GALNT5: variants seen among roughly 807,000 people sequenced by gnomAD.
GALNT5 encodes polypeptide N-acetylgalactosaminyltransferase 5.
A neutral mutation model predicts 85.4 loss-of-function variants in GALNT5; 72 were observed. The observed-to-expected ratio is 0.84, with a 90% CI of 0.70 to 1.03. The LOEUF (loss-of-function observed/expected upper bound fraction) is 1.03. Ranked by LOEUF, GALNT5 falls within the 50% of genes least tolerant of loss-of-function variation. The pLI, the probability that GALNT5 is intolerant of heterozygous loss-of-function variation, is 0.00. For missense variants in GALNT5, 1,137 were observed against 1,135.5 expected (o/e 1.00, Z -0.02); for synonymous variants, 404 against 397.0 (o/e 1.02, Z -0.21).
chr2:157,277,807 T>C (rs1289972083), intron 1 of GALNT5, among the ~76,000 whole-genome samples: 3 of 152,232 alleles, frequency 2.0e-5, no homozygotes, highest in Non-Finnish European at 4.4e-5. Context: ...AATTAGGGCA[T>C]TTAGCCCATT....
intron 1 of GALNT5, among the ~76,000 whole-genome samples, 191 bp from the exon 2 acceptor site, chr2:157,284,090 TC>T (rs1306187723): frequency 6.6e-6 from 1 of 151,836 alleles, no homozygotes; most frequent in Non-Finnish European, 1.5e-5. Context: ...CATGTACCCC[TC>T]CCCAAAAAAA....
intron 8 of GALNT5, among the ~76,000 whole-genome samples, chr2:157,307,852 A>C (rs1683487184): frequency 6.6e-6 from 1 of 152,192 alleles, no homozygotes; most frequent in African/African-American, 2.4e-5. Context: ...CCGGGTAGAC[A>C]ATAGTAGGTT....
At chr2:157,289,685 T>A (rs774977343) in intron 3 of GALNT5, among the ~76,000 whole-genome samples, 20 of 152,170 alleles carry the variant, frequency 1.3e-4, no homozygotes, top group Non-Finnish European at 2.8e-4. Context: ...AATTTCCAAT[T>A]TTTTATTGAC....
chr2:157,299,369 A>G (rs1258998181), intron 5 of GALNT5, among the ~76,000 whole-genome samples, 179 bp from the exon 6 acceptor site: 2 of 152,200 alleles, frequency 1.3e-5, no homozygotes, highest in Non-Finnish European at 2.9e-5. Flanking sequence ...TAGCTCTGCC[A>G]CCATGATCCA....
At chr2:157,287,539 G>C (rs1168374118) in intron 3 of GALNT5, among the ~76,000 whole-genome samples, 1 of 152,066 alleles carries the variant, frequency 6.6e-6, no homozygotes, top group African/African-American at 2.4e-5. Flanking sequence ...TTGACCACTA[G>C]GAGCTTCTTC....
chr2:157,284,154 T>C (rs1044071326), intron 1 of GALNT5, 128 bp from the exon 2 acceptor site: 2 of 694,998 alleles, frequency 2.9e-6, no homozygotes, highest in Admixed American at 2.2e-5. Flanking sequence ...AGATGATAGA[T>C]AGACCAGACA....
At chr2:157,292,704 G>T (rs922699875) in intron 3 of GALNT5, among the ~76,000 whole-genome samples, 14 of 151,564 alleles carry the variant, frequency 9.2e-5, no homozygotes, top group African/African-American at 2.9e-4. Context: ...AGTAGAAATC[G>T]TATTATTATT....
At position 157,258,619 on chromosome 2, in the gene GALNT5, T is replaced by C; in HGVS notation, c.537T>C (p.Thr179=). The C allele has an allele frequency of 6.2e-7, 1 of 1,613,448 alleles. No homozygotes were observed. Among genetic ancestry groups the C allele is most frequent in the South Asian group, 1.1e-5 (1 of 91,010 alleles). ...PKTSFIAAKG[T]QVVKISVHMG... ...CCTCATTCATAGCAGCAAAAGGAAC[T>C]CAGGTAGTCAAAATATCAGTACACA... Residue 179 remains threonine (T), a synonymous_variant, in exon 1 of 10, where the codon ACT becomes ACC. Coordinates refer to ENST00000259056, the MANE Select transcript of GALNT5 (RefSeq NM_014568.3).
In GALNT5 at chr2:157,317,933, T is replaced by C. The variant is rs1683753341; in HGVS notation, c.*6585T>C. On this transcript the variant is annotated 3_prime_UTR_variant, in exon 10 of 10. Coordinates refer to ENST00000259056, the MANE Select transcript of GALNT5 (RefSeq NM_014568.3). The stretch of plus-strand genomic sequence containing the variant: ...AACAATACTGAGTTTTGAAGTTAAG[T>C]AGAATATTGTAGGGGTTATCAGAAA... Among the ~76,000 whole-genome samples, 1 of 152,166 alleles carries C rather than the reference T, an allele frequency of 6.6e-6. No homozygotes were observed. Among genetic ancestry groups the C allele is most frequent in the Non-Finnish European group, 1.5e-5 (1 of 68,002 alleles).
chr2:157,302,606 C>T (rs1683366420), intron 7 of GALNT5: 1 of 150,930 alleles, frequency 6.6e-6, no homozygotes, highest in African/African-American at 2.4e-5. Context: ...AAAGGAATTT[C>T]CACTATTCTA....
chr2:157,270,715 T>C (rs1317955015), intron 1 of GALNT5, among the ~76,000 whole-genome samples: 2 of 152,232 alleles, frequency 1.3e-5, no homozygotes, highest in Non-Finnish European at 2.9e-5. Flanking sequence ...AAGGCAGATT[T>C]GTCCTACCCT....
At chr2:157,283,325 T>C (rs1306226651) in intron 1 of GALNT5, among the ~76,000 whole-genome samples, 1 of 152,166 alleles carries the variant, frequency 6.6e-6, no homozygotes, top group African/African-American at 2.4e-5. Flanking sequence ...GGCAAATACA[T>C]TTTGTGAGGT....
Position 157,258,054 on chromosome 2 carries a change from G to A in GALNT5, c.-29G>A. ...CACTCAAGGTAAGCAGGCTAAGGGA[G>A]GGCAGGCTGCTAGGGAAAGCTTTGT... is the stretch of plus-strand genomic sequence containing the variant. On this transcript the variant is annotated 5_prime_UTR_variant, in exon 1 of 10. Coordinates refer to ENST00000259056, the MANE Select transcript of GALNT5 (RefSeq NM_014568.3). 1 of 1,608,768 alleles carries A rather than the reference G, an allele frequency of 6.2e-7. No homozygotes were observed. The highest frequency in any genetic ancestry group is 1.1e-5 in the South Asian group (1 of 90,956).
chr2:157,316,371 C>T lies in GALNT5; in HGVS notation c.*5023C>T, dbSNP rs927290891. Reference sequence around the variant, plus strand: ...AGAACTATTTTACCCTTTCTAATGGCCTAAAATAAATTTTTAATGACTCCT... The same window carrying T: ...AGAACTATTTTACCCTTTCTAATGGTCTAAAATAAATTTTTAATGACTCCT... On this transcript the variant is annotated 3_prime_UTR_variant, in exon 10 of 10. Coordinates refer to ENST00000259056, the MANE Select transcript of GALNT5 (RefSeq NM_014568.3). Among the ~76,000 whole-genome samples the T allele has an allele frequency of 6.6e-6, 1 of 150,978 alleles. No individual in the cohort carries two copies. The highest frequency in any genetic ancestry group is 2.4e-5 in the African/African-American group (1 of 41,004).
chr2:157,300,111 C>T (rs1445910263), intron 6 of GALNT5, among the ~76,000 whole-genome samples: 1 of 152,194 alleles, frequency 6.6e-6, no homozygotes, highest in East Asian at 1.9e-4. Context: ...TAGTACAGCT[C>T]CTTTGGGCAC....
In GALNT5 at chr2:157,305,817, TGGGAGCAAAGA is replaced by T. The variant is rs1288101078; in HGVS notation, c.2511_2520+1del. The T allele has an allele frequency of 6.3e-7, 1 of 1,597,538 alleles. No homozygotes were observed. The highest frequency in any genetic ancestry group is 8.6e-7 in the Non-Finnish European group (1 of 1,164,982). Reference sequence around the variant, plus strand: ...CTACAGTCATTCTGGAAGACTGCGATGGGAGCAAAGAGGTATGCTAAACTGTTTTCTATCTC... The same window carrying T: ...CTACAGTCATTCTGGAAGACTGCGATGGTATGCTAAACTGTTTTCTATCTC... On this transcript the variant is annotated frameshift_variant and splice_region_variant, in exon 8 of 10. Coordinates refer to ENST00000259056, the MANE Select transcript of GALNT5 (RefSeq NM_014568.3). LOFTEE classifies it high-confidence loss of function.
In GALNT5 at chr2:157,284,361, C is replaced by T; in HGVS notation, c.1534C>T (p.Leu512Phe). The change falls in exon 2 of 10, where the codon CTC (leucine) becomes TTC (phenylalanine). Residue 512 changes from leucine to phenylalanine, a missense_variant. Physicochemically the swap from Leu to Phe is conservative, Grantham distance 22. Coordinates refer to ENST00000259056, the MANE Select transcript of GALNT5 (RefSeq NM_014568.3). ...CTTTGTGGATGAAGTGTGGTCCACT[C>T]TCCTGAGATCTGTTCACAGTGTCAT... Reference protein sequence around the residue: ...MCFVDEVWSTLLRSVHSVINR... With the variant: ...MCFVDEVWSTFLRSVHSVINR... 6.2e-7 allele frequency: 1 copy of T among 1,613,532 alleles called. No homozygotes were observed. Among genetic ancestry groups the T allele is most frequent in the African/African-American group, 1.3e-5 (1 of 75,020 alleles).
intron 1 of GALNT5, among the ~76,000 whole-genome samples, chr2:157,262,138 G>A (rs1183481000): frequency 1.4e-5 from 2 of 146,336 alleles, no homozygotes; most frequent in East Asian, 4.1e-4. Flanking sequence ...AAAATCCACT[G>A]TTATAGATGA....
At position 157,284,415 on chromosome 2, in the gene GALNT5, G is replaced by C. The variant is rs777316011; in HGVS notation, c.1588G>C (p.Glu530Gln). ...INRSPPHLIK[E>Q]ILLVDDFSTK... ...TCGCTCTCCTCCACACCTCATCAAG[G>C]AGATTCTGCTGGTAGATGACTTCAG... Residue 530 changes from glutamate (E) to glutamine (Q), a missense_variant, in exon 2 of 10, where the codon GAG (glutamate) becomes CAG (glutamine). Glu to Gln is a conservative substitution (Grantham distance 29). Transcript: ENST00000259056. The C allele has an allele frequency of 2.5e-6, 4 of 1,613,982 alleles. No individual in the cohort carries two copies. Among genetic ancestry groups the C allele is most frequent in the Non-Finnish European group, 3.4e-6 (4 of 1,179,916 alleles).
Sources: gnomAD v4.1 joint callset for allele counts (sites outside exome capture counted in the v4.1 genomes callset) on GRCh38, gnomAD v4.1.1 for gene constraint, MANE v1.5 for transcripts, NCBI Gene and HGNC (gene_info 2026-07-23, HGNC 2026-07-21) for gene names.